The following IFT88 variants were observed in gnomAD, a reference collection of about 807,000 sequenced individuals.
IFT88 encodes intraflagellar transport 88, also known as intraflagellar transport protein 88 homolog.
A neutral mutation model predicts 119.5 loss-of-function variants in IFT88; 74 were observed. The ratio of observed to expected loss-of-function variants is 0.62; its 90% CI spans 0.51 to 0.75. IFT88 has a LOEUF of 0.75. Among genes scored for constraint, IFT88 ranks in the 30% least tolerant of loss-of-function variants. The pLI, the probability that IFT88 is intolerant of heterozygous loss-of-function variation, is 0.00. For synonymous variants in IFT88, 279 were observed against 316.7 expected (o/e 0.88, Z 1.26); for missense variants, 961 against 977.7 (o/e 0.98, Z 0.23).
At chr13:20,678,792 C>T (rs186846491) in intron 24 of IFT88, among the ~76,000 whole-genome samples, 152 of 152,158 alleles carry the variant, frequency 1.0e-3, no homozygotes, top group Non-Finnish European at 1.5e-3. Flanking sequence ...TTTTGCAAAG[C>T]GATAAAGACA....
At chr13:20,597,556 A>C (rs1015033319) in intron 9 of IFT88, among the ~76,000 whole-genome samples, 15 of 152,086 alleles carry the variant, frequency 9.9e-5, no homozygotes, top group Non-Finnish European at 1.6e-4. Context: ...CATCCTGGCT[A>C]ACATGGTGAA....
chr13:20,613,952 T>TAGATTAATGG (rs146600840), intron 13 of IFT88, among the ~76,000 whole-genome samples: 1 of 152,088 alleles, frequency 6.6e-6, no homozygotes, highest in Non-Finnish European at 1.5e-5. Flanking sequence ...TCTATAAAGA[T>TAGATTAATGG]TTGCCAGGGA....
At chr13:20,624,653 T>C (rs1190863648) in intron 14 of IFT88, among the ~76,000 whole-genome samples, 4 of 152,162 alleles carry the variant, frequency 2.6e-5, no homozygotes, top group South Asian at 4.1e-4. Context: ...GGATCCTTTA[T>C]ATAAATTCTC....
chr13:20,664,645 G>T (rs1442293766), intron 23 of IFT88, among the ~76,000 whole-genome samples: 1 of 152,132 alleles, frequency 6.6e-6, no homozygotes, highest in Non-Finnish European at 1.5e-5. Flanking sequence ...AAGCAAGAGT[G>T]TATGTTTGGA....
At chr13:20,640,868 G>A (rs1041246873) in intron 17 of IFT88, among the ~76,000 whole-genome samples, 7 of 151,802 alleles carry the variant, frequency 4.6e-5, no homozygotes, top group South Asian at 2.1e-4. Context: ...TCAGTTGGCC[G>A]GGTGTGGTGG....
chr13:20,643,915 A>G (rs879929584), intron 19 of IFT88, among the ~76,000 whole-genome samples: 14 of 151,998 alleles, frequency 9.2e-5, no homozygotes, highest in Admixed American at 9.2e-4. Context: ...CACCACGTGC[A>G]GCTAATTTTT....
intron 13 of IFT88, among the ~76,000 whole-genome samples, chr13:20,611,749 C>T (rs929591143): frequency 3.9e-5 from 6 of 152,032 alleles, no homozygotes; most frequent in Admixed American, 6.5e-5. Flanking sequence ...GGACTACAGG[C>T]GCCTGCCACC....
At chr13:20,594,096 A>G (rs1187387421) in intron 7 of IFT88, among the ~76,000 whole-genome samples, 1 of 152,044 alleles carries the variant, frequency 6.6e-6, no homozygotes, top group Non-Finnish European at 1.5e-5. Context: ...ATAATTAACA[A>G]GAAAATTTAT....
chr13:20,648,632 C>T (rs115693670), intron 20 of IFT88, among the ~76,000 whole-genome samples: 1,890 of 152,024 alleles, frequency 0.012, 44 homozygotes, highest in African/African-American at 0.044. Context: ...AAACATATAA[C>T]ACATGCAGAA....
chr13:20,604,090 A>G (rs1036659144), intron 12 of IFT88, among the ~76,000 whole-genome samples: 8 of 152,014 alleles, frequency 5.3e-5, no homozygotes, highest in Admixed American at 1.3e-4. Flanking sequence ...AAAAAAATAT[A>G]TATTAGCCAG....
intron 13 of IFT88, among the ~76,000 whole-genome samples, chr13:20,613,683 C>T (rs2045052485): frequency 6.6e-6 from 1 of 151,746 alleles, no homozygotes; most frequent in Non-Finnish European, 1.5e-5. Context: ...TCCAAATGTG[C>T]AACAATTAAT....
At chr13:20,685,032 A>G (rs1315068075) in intron 24 of IFT88, among the ~76,000 whole-genome samples, 2 of 152,258 alleles carry the variant, frequency 1.3e-5, no homozygotes, top group Non-Finnish European at 2.9e-5. Context: ...TGAGAGCCAC[A>G]AACGGAATCT....
intron 1 of IFT88, among the ~76,000 whole-genome samples, chr13:20,569,993 C>G (rs889741438): frequency 6.6e-6 from 1 of 151,386 alleles, no homozygotes; most frequent in Non-Finnish European, 1.5e-5. Context: ...TGCAGTGAGC[C>G]GCGCCACTGC....
chr13:20,571,782 G>A (rs934408724), intron 1 of IFT88, among the ~76,000 whole-genome samples: 10 of 152,216 alleles, frequency 6.6e-5, no homozygotes, highest in African/African-American at 2.2e-4. Context: ...GTGGGTAGCT[G>A]TGGTGGGCAC....
At chr13:20,618,349 G>A (rs923869696) in intron 14 of IFT88, among the ~76,000 whole-genome samples, 6 of 152,136 alleles carry the variant, frequency 3.9e-5, no homozygotes, top group African/African-American at 1.4e-4. Flanking sequence ...CTGAGGTCTG[G>A]AGTGAGTATT....
chr13:20,582,628 G>A (rs1381377328), intron 2 of IFT88, among the ~76,000 whole-genome samples: 1 of 151,960 alleles, frequency 6.6e-6, no homozygotes, highest in Non-Finnish European at 1.5e-5. Flanking sequence ...CCAATTCCAA[G>A]CCACCAGGAA....
intron 24 of IFT88, among the ~76,000 whole-genome samples, chr13:20,684,263 C>G (rs901390116): frequency 1.3e-5 from 2 of 152,174 alleles, no homozygotes; most frequent in African/African-American, 2.4e-5. Flanking sequence ...GGAACAGTCA[C>G]TGGGGCAGCT....
intron 11 of IFT88, among the ~76,000 whole-genome samples, chr13:20,601,096 T>C (rs983437083): frequency 1.3e-5 from 2 of 152,174 alleles, no homozygotes; most frequent in South Asian, 4.1e-4. Context: ...CCGGGCACGG[T>C]GCCTCATGCC....
intron 23 of IFT88, among the ~76,000 whole-genome samples, chr13:20,670,602 G>A (rs2055643808): frequency 6.8e-6 from 1 of 146,364 alleles, no homozygotes; most frequent in Non-Finnish European, 1.5e-5. Context: ...GCAAGAAATG[G>A]CCCTTTTGTA....
Sources: gnomAD v4.1 joint callset for allele counts (sites outside exome capture counted in the v4.1 genomes callset) on GRCh38, gnomAD v4.1.1 for gene constraint, MANE v1.5 for transcripts, NCBI Gene and HGNC (gene_info 2026-07-23, HGNC 2026-07-21) for gene names.